The following FBXO4 variants were observed in gnomAD, a reference collection of about 807,000 sequenced individuals.
FBXO4 encodes F-box protein 4.
A neutral mutation model predicts 43.7 loss-of-function variants in FBXO4; 36 were observed. The observed-to-expected ratio is 0.82, with a 90% CI of 0.63 to 1.09. FBXO4 has a LOEUF of 1.09. FBXO4 is among the 50% of genes least tolerant of loss of function. The pLI, the probability that FBXO4 is intolerant of heterozygous loss-of-function variation, is 0.00. For synonymous variants in FBXO4, 180 were observed against 165.6 expected, an observed-to-expected ratio of 1.09 and a Z score of -0.67; for missense variants, 435 against 474.1, an observed-to-expected ratio of 0.92 and a Z score of 0.77.
the FBXO4 span, among the ~76,000 whole-genome samples, chr5:42,001,876 A>G: frequency 2.6e-5 from 4 of 151,910 alleles, no homozygotes; most frequent in African/African-American, 9.7e-5. Context: ...TTTTTAGTAG[A>G]GGTGAAGTTT....
the FBXO4 span, among the ~76,000 whole-genome samples, chr5:42,010,273 G>A: frequency 6.6e-6 from 1 of 152,250 alleles, no homozygotes; most frequent in South Asian, 2.1e-4. Context: ...GCCAAGGTGG[G>A]TGGATCACTA....
chr5:42,001,370 C>A, the FBXO4 span, among the ~76,000 whole-genome samples: 1 of 152,238 alleles, frequency 6.6e-6, no homozygotes, highest in South Asian at 2.1e-4. Context: ...GCTGGGGATA[C>A]AGGCACACGC....
the FBXO4 span, among the ~76,000 whole-genome samples, chr5:42,004,734 A>G: frequency 6.6e-6 from 1 of 152,192 alleles, no homozygotes; most frequent in Non-Finnish European, 1.5e-5. Context: ...TGCTACAAGG[A>G]TAAAAAAAAC....
chr5:42,018,463 G>A, the FBXO4 span, among the ~76,000 whole-genome samples: 16 of 151,978 alleles, frequency 1.1e-4, no homozygotes, highest in Non-Finnish European at 1.9e-4. Context: ...AAACATAAGT[G>A]AAACTCTTGA....
At chr5:41,950,514 T>C in the FBXO4 span, among the ~76,000 whole-genome samples, 1 of 152,224 alleles carries the variant, frequency 6.6e-6, no homozygotes, top group African/African-American at 2.4e-5. Flanking sequence ...CACAGTGAGA[T>C]ACCATCTCAC....
At chr5:41,925,610 C>A (rs1431206542) in intron 1 of FBXO4, 112 bp downstream of exon 1, 2 of 767,588 alleles carry the variant, frequency 2.6e-6, no homozygotes, top group Non-Finnish European at 1.8e-6. Flanking sequence ...CTGGGTCTGG[C>A]TCCGTCCATG....
At chr5:41,968,651 G>C in the FBXO4 span, among the ~76,000 whole-genome samples, 3 of 152,042 alleles carry the variant, frequency 2.0e-5, no homozygotes, top group Non-Finnish European at 4.4e-5. Context: ...ATTTCAACTA[G>C]TTATGAAATG....
At chr5:42,013,173 G>A in the FBXO4 span, among the ~76,000 whole-genome samples, 1 of 152,046 alleles carries the variant, frequency 6.6e-6, no homozygotes, top group South Asian at 2.1e-4. Flanking sequence ...GCATGGTGGT[G>A]CGCACCTGTG....
the FBXO4 span, among the ~76,000 whole-genome samples, chr5:41,971,205 GGTGTGT>G: frequency 5.4e-3 from 792 of 147,416 alleles, 6 homozygotes; most frequent in African/African-American, 0.017. Context: ...ACTAGAGAGA[GGTGTGT>G]GTGTGTGTGT....
intron 6 of FBXO4, 54 bp downstream of exon 6, chr5:41,939,670 A>G (rs1010418125): frequency 2.9e-6 from 4 of 1,388,842 alleles, no homozygotes; most frequent in African/African-American, 2.9e-5. Context: ...TCTATTTTCT[A>G]TTTGATTTTA....
At chr5:42,010,877 T>C in the FBXO4 span, among the ~76,000 whole-genome samples, 2 of 152,128 alleles carry the variant, frequency 1.3e-5, no homozygotes, top group Non-Finnish European at 2.9e-5. Context: ...TCTTTCTTTT[T>C]CTTTTTTTTT....
chr5:41,949,651 A>G, the FBXO4 span, among the ~76,000 whole-genome samples: 1 of 152,254 alleles, frequency 6.6e-6, no homozygotes, highest in Non-Finnish European at 1.5e-5. Context: ...AAGGTATTTT[A>G]CAGATTCAAT....
rs1164492063 is a variant in FBXO4 at position 41,939,467 on chromosome 5, CATATT to C, written c.928_932del (p.Ile310GlyfsTer36). ...ACATGAATGGCAAGATGAATTTTCT[CATATT>C]ATGGCAATGACAGATCCAGCCTTTG... On this transcript the variant is annotated frameshift_variant, in exon 6 of 7. Coordinates refer to ENST00000281623, the MANE Select transcript of FBXO4 (RefSeq NM_012176.3). LOFTEE classifies it high-confidence loss of function. 1 of 1,610,668 alleles carries C rather than the reference CATATT, an allele frequency of 6.2e-7. No individual in the cohort carries two copies. Among genetic ancestry groups the C allele is most frequent in the Admixed American group, 1.7e-5 (1 of 59,694 alleles).
the FBXO4 span, among the ~76,000 whole-genome samples, chr5:42,006,218 C>T: frequency 1.3e-4 from 20 of 152,086 alleles, no homozygotes; most frequent in African/African-American, 4.6e-4. Flanking sequence ...GAAATACTGA[C>T]ATTTCCTCTT....
chr5:41,987,333 C>G, the FBXO4 span, among the ~76,000 whole-genome samples: 3 of 152,114 alleles, frequency 2.0e-5, no homozygotes, highest in Non-Finnish European at 4.4e-5. Flanking sequence ...CTTTAACCAC[C>G]AATGTTGAAC....
At chr5:42,015,477 C>G in the FBXO4 span, among the ~76,000 whole-genome samples, 1 of 152,154 alleles carries the variant, frequency 6.6e-6, no homozygotes, top group East Asian at 1.9e-4. Context: ...ATCCTCAGAT[C>G]ACATGCCTTC....
the FBXO4 span, among the ~76,000 whole-genome samples, chr5:42,004,945 T>G: frequency 2.0e-5 from 3 of 152,140 alleles, no homozygotes; most frequent in African/African-American, 7.2e-5. Flanking sequence ...ACGGAGGCAT[T>G]GATTGATTGA....
At chr5:42,020,739 C>T in the FBXO4 span, among the ~76,000 whole-genome samples, 1 of 152,098 alleles carries the variant, frequency 6.6e-6, no homozygotes, top group Non-Finnish European at 1.5e-5. Context: ...GTCTCATGGG[C>T]CAGAACCGGC....
the FBXO4 span, among the ~76,000 whole-genome samples, chr5:42,001,750 G>A: frequency 9.6e-4 from 146 of 152,256 alleles, no homozygotes; most frequent in African/African-American, 3.2e-3. Flanking sequence ...GGAGTGCAGT[G>A]GTATGAGATC....
Sources: gnomAD v4.1 joint callset for allele counts (sites outside exome capture counted in the v4.1 genomes callset) on GRCh38, gnomAD v4.1.1 for gene constraint, MANE v1.5 for transcripts, NCBI Gene and HGNC (gene_info 2026-07-23, HGNC 2026-07-21) for gene names.